Variants in ADGRF3 observed in about 807,000 individuals in gnomAD.
ADGRF3 encodes adhesion G protein-coupled receptor F3.
In ADGRF3, 85 loss-of-function variants were observed where a neutral mutation model predicts 93.2. The ratio of observed to expected loss-of-function variants is 0.91; its 90% CI spans 0.77 to 1.09. The LOEUF (loss-of-function observed/expected upper bound fraction) is 1.09. ADGRF3 is among the 50% of genes least tolerant of loss of function. The pLI, the probability that ADGRF3 is intolerant of heterozygous loss-of-function variation, is 0.00. For synonymous variants in ADGRF3, 534 were observed against 532.5 expected (o/e 1.00, Z -0.04); for missense variants, 1,125 against 1,246.2 (o/e 0.90, Z 1.46).
At chr2:26,341,726 G>A (rs1031490744) in intron 1 of ADGRF3, among the ~76,000 whole-genome samples, 3 of 151,956 alleles carry the variant, frequency 2.0e-5, no homozygotes, top group Admixed American at 6.6e-5. Flanking sequence ...TTGAATTCCT[G>A]GGCTCAAGGG....
Position 26,310,896 on chromosome 2 carries a change from T to C in ADGRF3, c.2628A>G (p.Leu876=). The change falls in exon 10 of 14, where the codon CTA becomes CTG. Residue 876 remains leucine, a synonymous_variant. Coordinates refer to ENST00000651242, the MANE Select transcript of ADGRF3 (RefSeq NM_001321971.2). ...TCAGCAACTTCAGCATGGCCATGGCTAGTACCAGCCCATTCACGCCTATGA... is the reference window on the plus strand; with the variant it reads ...TCAGCAACTTCAGCATGGCCATGGCCAGTACCAGCCCATTCACGCCTATGA... ...LAIIGVNGLV[L]AMAMLKLLRP... is the part of the protein sequence containing the mutation. 1 of 1,612,968 alleles carries C rather than the reference T, an allele frequency of 6.2e-7. No homozygotes were observed. Among genetic ancestry groups the C allele is most frequent in the South Asian group, 1.1e-5 (1 of 90,946 alleles).
At chr2:26,309,717 A>T in intron 12 of ADGRF3, 136 bp from the exon 13 acceptor site, 1 of 1,301,042 alleles carries the variant, frequency 7.7e-7, no homozygotes, top group South Asian at 1.3e-5. Context: ...TTTTGCTCTC[A>T]GCTACAGTAA....
At chr2:26,331,357 C>T (rs1675756333) in intron 1 of ADGRF3, among the ~76,000 whole-genome samples, 1 of 152,172 alleles carries the variant, frequency 6.6e-6, no homozygotes, top group Admixed American at 6.5e-5. Flanking sequence ...CAAGACCAGC[C>T]TGACCAACAT....
At position 26,311,855 on chromosome 2, in the gene ADGRF3, T is replaced by C; in HGVS notation, c.1669A>G (p.Ile557Val). Reference protein sequence around the residue: ...FGPTFPADYSISFPTRPPLQA... With the variant: ...FGPTFPADYSVSFPTRPPLQA... ...AGTGGGGGCCGAGTAGGGAAGGAGATGCTGTAGTCAGCAGGAAACGTGGGT... is the reference window on the plus strand; with the variant it reads ...AGTGGGGGCCGAGTAGGGAAGGAGACGCTGTAGTCAGCAGGAAACGTGGGT... The change falls in exon 10 of 14, where the codon ATC (isoleucine) becomes GTC (valine). Residue 557 changes from isoleucine to valine, a missense_variant. Physicochemically the swap from Ile to Val is conservative, Grantham distance 29 (BLOSUM62 3). Transcript: ENST00000651242. The C allele has an allele frequency of 6.2e-7, 1 of 1,613,874 alleles. No individual in the cohort carries two copies. The highest frequency in any genetic ancestry group is 8.5e-7 in the Non-Finnish European group (1 of 1,179,848).
At chr2:26,309,684 C>A in intron 12 of ADGRF3, 103 bp from the exon 13 acceptor site, 2 of 1,435,688 alleles carry the variant, frequency 1.4e-6, no homozygotes, top group Non-Finnish European at 1.9e-6. Flanking sequence ...GCACTCCTGC[C>A]TGTGCTGCAG....
chr2:26,311,604 GT>G lies in ADGRF3; in HGVS notation c.1919del (p.Asn640ThrfsTer66). ...SQGEVIMDFGNTDGSPHCVFW... is the reference protein window; with the variant it reads ...SQGEVIMDFGXTDGSPHCVFW... ...AGACACAGTGAGGGGAACCATCTGT[GT>G]TCCCAAAGTCCATGATGACCTCTCC... On this transcript the variant is annotated frameshift_variant, in exon 10 of 14. Transcript: ENST00000651242. LOFTEE classifies it high-confidence loss of function. 1 of 1,613,786 alleles carries G rather than the reference GT, an allele frequency of 6.2e-7. No homozygotes were observed. Among genetic ancestry groups the G allele is most frequent in the Non-Finnish European group, 8.5e-7 (1 of 1,179,892 alleles).
intron 1 of ADGRF3, among the ~76,000 whole-genome samples, chr2:26,339,114 CAAAAAAAA>C (rs61584458): frequency 2.5e-5 from 1 of 39,672 alleles, no homozygotes; most frequent in Admixed American, 3.2e-4. Flanking sequence ...GACTCCGTCA[CAAAAAAAA>C]AAAAAAAAAA....
In ADGRF3 at chr2:26,318,092, T is replaced by C. The variant is rs1013579383; in HGVS notation, c.115-530A>G. 6 of 1,549,548 alleles carry C rather than the reference T, an allele frequency of 3.9e-6. No individual in the cohort carries two copies. The African/African-American group carries it at 5.5e-5, about 14-fold the overall frequency. Reference sequence around the variant, plus strand: ...TGGGCCATCGGCCAAAGCTAGAAGATAGGGGGATGGGGCAGGCAGGGAAGG... The same window carrying C: ...TGGGCCATCGGCCAAAGCTAGAAGACAGGGGGATGGGGCAGGCAGGGAAGG... On this transcript the variant is annotated intron_variant, in intron 1 of 13. Coordinates refer to ENST00000651242, the MANE Select transcript of ADGRF3 (RefSeq NM_001321971.2).
rs1276614275 is a variant in ADGRF3, at chr2:26,314,607, G to C, written c.735C>G (p.Cys245Trp). 1 of 1,613,864 alleles carries C rather than the reference G, an allele frequency of 6.2e-7. No homozygotes were observed. The highest frequency in any genetic ancestry group is 1.1e-5 in the South Asian group (1 of 91,068). Residue 245 changes from cysteine to tryptophan, a missense_variant, in exon 6 of 14, where the codon TGC becomes TGG. By Grantham distance (215) the Cys-to-Trp change is radical. Coordinates refer to ENST00000651242, the MANE Select transcript of ADGRF3 (RefSeq NM_001321971.2). Reference sequence around the variant, plus strand: ...TCCACTTGAAGCCCTGGGCCTCGAAGCAGCTCATGTACTCACCTGCAGAAA... The same window carrying C: ...TCCACTTGAAGCCCTGGGCCTCGAACCAGCTCATGTACTCACCTGCAGAAA... Reference protein sequence around the residue: ...SHHWAGEYMSCFEAQGFKWNL... With the variant: ...SHHWAGEYMSWFEAQGFKWNL...
downstream of ADGRF3, chr2:26,308,174 G>A (rs894673651): frequency 6.6e-6 from 1 of 152,026 alleles, no homozygotes; most frequent in Admixed American, 6.5e-5. Flanking sequence ...TCAACGGTAC[G>A]TGATAGCATA....
At chr2:26,321,770 G>C (rs192011322) in intron 1 of ADGRF3, among the ~76,000 whole-genome samples, 1 of 151,874 alleles carries the variant, frequency 6.6e-6, no homozygotes, top group Non-Finnish European at 1.5e-5. Flanking sequence ...TCAGGAGTTC[G>C]AGACCAGTCT....
At chr2:26,328,397 C>T (rs1260601657) in intron 1 of ADGRF3, among the ~76,000 whole-genome samples, 2 of 151,048 alleles carry the variant, frequency 1.3e-5, no homozygotes. Flanking sequence ...TTTTTCTGCA[C>T]TGAATTATTT....
At chr2:26,318,421 A>G (rs1409228356) in intron 1 of ADGRF3, among the ~76,000 whole-genome samples, 1 of 151,890 alleles carries the variant, frequency 6.6e-6, no homozygotes, top group Non-Finnish European at 1.5e-5. Flanking sequence ...TGGTGAGAGC[A>G]TGTCTTAAAA....
At chr2:26,309,311 G>A in intron 13 of ADGRF3, 1 of 1,504,644 alleles carries the variant, frequency 6.6e-7, no homozygotes, top group South Asian at 1.3e-5. Context: ...TTCTTGGAAA[G>A]CAAGATAAGG....
rs765174040 is a variant in ADGRF3 at position 26,311,360 on chromosome 2, C to T, written c.2164G>A (p.Gly722Ser). 9 of 1,613,914 alleles carry T rather than the reference C, an allele frequency of 5.6e-6. No individual in the cohort carries two copies. Among genetic ancestry groups the T allele is most frequent in the Non-Finnish European group, 8.5e-7 (1 of 1,179,916 alleles). Residue 722 changes from glycine (G) to serine (S), a missense_variant, in exon 10 of 14, where the codon GGT becomes AGT. Physicochemically the swap from Gly to Ser is moderately conservative, Grantham distance 56 (BLOSUM62 0). Coordinates refer to ENST00000651242, the MANE Select transcript of ADGRF3 (RefSeq NM_001321971.2). ...ASILALLVCL[G>S]VYWLVWRVVV... Reference sequence around the variant, plus strand: ...ACTCTCCACACCAGCCAGTACACACCCAGGCACACAAGCAGCGCCAGTATG... The same window carrying T: ...ACTCTCCACACCAGCCAGTACACACTCAGGCACACAAGCAGCGCCAGTATG...
rs187137048 is a variant in ADGRF3, at chr2:26,341,826, C to T, written c.114+4295G>A. 4.8e-3 allele frequency among the ~76,000 whole-genome samples: 737 copies of T among 152,126 alleles called. 5 individuals carry two copies. The highest frequency in any genetic ancestry group is 0.017 in the African/African-American group (709 of 41,512). On this transcript the variant is annotated intron_variant, in intron 1 of 13. Transcript: ENST00000651242. ...CGGTGGCTCACACCTGTAATCCCAG[C>T]GCTTTGGGAGGCTGAGGCGGGCAGA... is the stretch of plus-strand genomic sequence containing the variant.
At chr2:26,326,126 G>A (rs1675422400) in intron 1 of ADGRF3, among the ~76,000 whole-genome samples, 3 of 152,180 alleles carry the variant, frequency 2.0e-5, no homozygotes, top group Admixed American at 1.3e-4. Context: ...TCTGAGCCAA[G>A]TGTACTTCCC....
chr2:26,309,781 T>G (rs1408027291), intron 12 of ADGRF3, among the ~76,000 whole-genome samples, 200 bp from the exon 13 acceptor site: 2 of 152,168 alleles, frequency 1.3e-5, no homozygotes, highest in African/African-American at 4.8e-5. Flanking sequence ...TGGAGGCAGA[T>G]TTTTAGATGG....
At chr2:26,338,523 C>T (rs1676180461) in intron 1 of ADGRF3, among the ~76,000 whole-genome samples, 2 of 152,148 alleles carry the variant, frequency 1.3e-5, no homozygotes, top group Admixed American at 1.3e-4. Flanking sequence ...AGTGCAATGG[C>T]ACGATCTCGG....
Sources: gnomAD v4.1 joint callset for allele counts (sites outside exome capture counted in the v4.1 genomes callset) on GRCh38, gnomAD v4.1.1 for gene constraint, MANE v1.5 for transcripts, NCBI Gene and HGNC (gene_info 2026-07-23, HGNC 2026-07-21) for gene names.